Variants in PDZRN4 observed in about 807,000 individuals in gnomAD.
The protein encoded by PDZRN4 is PDZ domain-containing RING finger protein 4.
Under a neutral mutation model 99.0 loss-of-function variants are expected in PDZRN4, and 70 were observed. The ratio of observed to expected loss-of-function variants is 0.71; its 90% CI spans 0.58 to 0.86. The LOEUF (loss-of-function observed/expected upper bound fraction) is 0.86, where lower values mean the gene tolerates loss of function less well. Among genes scored for constraint, PDZRN4 ranks in the 40% least tolerant of loss-of-function variants. PDZRN4 has a pLI of 0.00. For missense variants in PDZRN4, 1,474 were observed against 1,331.2 expected (o/e 1.11, Z -1.67); for synonymous variants, 551 against 501.6 (o/e 1.10, Z -1.32).
chr12:41,215,634 A>G (rs763837540), intron 3 of PDZRN4, among the ~76,000 whole-genome samples: 15 of 152,064 alleles, frequency 9.9e-5, no homozygotes, highest in African/African-American at 2.4e-4. Context: ...TGATGATTAC[A>G]TAGACATTGT....
At chr12:41,398,612 TTGTG>T (rs1310593228) in intron 3 of PDZRN4, among the ~76,000 whole-genome samples, 8 of 152,324 alleles carry the variant, frequency 5.3e-5, no homozygotes, top group African/African-American at 1.9e-4. Flanking sequence ...AAGCTGTAAC[TTGTG>T]TGTAACTTCC....
At chr12:41,426,252 T>C (rs1201331606) in intron 3 of PDZRN4, among the ~76,000 whole-genome samples, 2 of 152,134 alleles carry the variant, frequency 1.3e-5, no homozygotes, top group Non-Finnish European at 1.5e-5. Context: ...GTCCCACCAG[T>C]AGATAGGTTC....
chr12:41,286,230 A>C (rs1037654485), intron 3 of PDZRN4, among the ~76,000 whole-genome samples: 1 of 152,056 alleles, frequency 6.6e-6, no homozygotes, highest in Non-Finnish European at 1.5e-5. Flanking sequence ...TTGAAAAAAA[A>C]CAGCAACATA....
At chr12:41,557,106 C>A (rs1462405382) in intron 7 of PDZRN4, among the ~76,000 whole-genome samples, 2 of 145,644 alleles carry the variant, frequency 1.4e-5, no homozygotes, top group African/African-American at 5.1e-5. Context: ...AGCCGAGATG[C>A]CACCACTGTA....
chr12:41,419,724 C>T (rs1045142619), intron 3 of PDZRN4, among the ~76,000 whole-genome samples: 2 of 152,000 alleles, frequency 1.3e-5, no homozygotes, highest in Non-Finnish European at 2.9e-5. Flanking sequence ...TTATGGCTCT[C>T]GGTTAATGAC....
intron 3 of PDZRN4, among the ~76,000 whole-genome samples, chr12:41,302,010 C>A (rs1182213059): frequency 6.6e-6 from 1 of 151,982 alleles, no homozygotes; most frequent in Non-Finnish European, 1.5e-5. Context: ...GTTAAATAAG[C>A]TTTTCTCCTC....
rs1004346208 is a variant in PDZRN4, at chr12:41,379,717, A to AT, written c.844-126729dup. ...ACCATTTTGGCCCAAAAAGTACTTGATTTTTTTTTTAGTCTTCTTGCAATT... is the reference window on the plus strand; with the variant it reads ...ACCATTTTGGCCCAAAAAGTACTTGATTTTTTTTTTTAGTCTTCTTGCAATT... On this transcript the variant is annotated intron_variant, in intron 3 of 9. Coordinates refer to ENST00000402685, the MANE Select transcript of PDZRN4 (RefSeq NM_001164595.2). Among the ~76,000 whole-genome samples the AT allele has an allele frequency of 6.7e-4, 100 of 148,376 alleles. 1 individual carries two copies. The highest frequency in any genetic ancestry group is 3.5e-3 in the Middle Eastern group (1 of 282).
chr12:41,376,680 G>T (rs888092008), intron 3 of PDZRN4, among the ~76,000 whole-genome samples: 4 of 151,922 alleles, frequency 2.6e-5, no homozygotes, highest in Non-Finnish European at 4.4e-5. Flanking sequence ...TCCATTGGTT[G>T]CTTTTTTATT....
At chr12:41,541,695 C>A (rs1179297325) in intron 5 of PDZRN4, among the ~76,000 whole-genome samples, 2 of 152,088 alleles carry the variant, frequency 1.3e-5, no homozygotes. Flanking sequence ...CCTCATGATC[C>A]GCCTGCCTCG....
chr12:41,395,802 C>G lies in PDZRN4; in HGVS notation c.844-110654C>G, dbSNP rs142418563. On this transcript the variant is annotated intron_variant, in intron 3 of 9. Coordinates refer to ENST00000402685, the MANE Select transcript of PDZRN4 (RefSeq NM_001164595.2). ...GGACACACATTGATTTCATTAGAAG[C>G]CTTTTGTTTAGCTGAATAGTATATT... Among the ~76,000 whole-genome samples the G allele has an allele frequency of 3.9e-5, 6 of 152,090 alleles. No individual in the cohort carries two copies. The East Asian group carries it at 1.2e-3, about 29-fold the overall frequency.
chr12:41,188,406 C>T lies in PDZRN4; in HGVS notation c.-50C>T, dbSNP rs757523204. The T allele has an allele frequency of 1.4e-6, 2 of 1,455,338 alleles. No individual in the cohort carries two copies. The highest frequency in any genetic ancestry group is 2.6e-5 in the East Asian group (1 of 38,090). The allele number at this position is 1,455,338 out of a possible 1,614,324, so 90.2% of individuals were successfully genotyped here. On this transcript the variant is annotated 5_prime_UTR_variant, in exon 1 of 10. Coordinates refer to ENST00000402685, the MANE Select transcript of PDZRN4 (RefSeq NM_001164595.2). ...GTGGCCCGGGGAAGGCAGGGGGGCT[C>T]GGAGAAGACGGACTCTGCTTTCGCT...
At chr12:41,306,140 T>C (rs1455830158) in intron 3 of PDZRN4, among the ~76,000 whole-genome samples, 1 of 152,158 alleles carries the variant, frequency 6.6e-6, no homozygotes. Flanking sequence ...GGTTTAATAC[T>C]CAACCCTCCA....
At chr12:41,562,940 A>G (rs74888581) in intron 7 of PDZRN4, among the ~76,000 whole-genome samples, 4,649 of 152,260 alleles carry the variant, frequency 0.031, 150 homozygotes, top group African/African-American at 0.077. Context: ...AAATGGATAG[A>G]TATTAGAAGG....
At chr12:41,487,874 G>A (rs1158799109) in intron 3 of PDZRN4, among the ~76,000 whole-genome samples, 2 of 152,188 alleles carry the variant, frequency 1.3e-5, no homozygotes, top group African/African-American at 4.8e-5. Flanking sequence ...ACTTAAGAAA[G>A]TAGTTCTTCA....
chr12:41,304,721 T>C (rs1212122526), intron 3 of PDZRN4, among the ~76,000 whole-genome samples: 1 of 152,218 alleles, frequency 6.6e-6, no homozygotes. Flanking sequence ...CAATGACTAA[T>C]GGATAAGAGA....
chr12:41,342,586 TGACC>T (rs1951826223), intron 3 of PDZRN4, among the ~76,000 whole-genome samples: 1 of 5,144 alleles, frequency 1.9e-4, no homozygotes, highest in Non-Finnish European at 8.8e-4. Flanking sequence ...AATGACCAAC[TGACC>T]AACAGGTATA....
chr12:41,362,585 G>A (rs1280148242), intron 3 of PDZRN4, among the ~76,000 whole-genome samples: 5 of 152,018 alleles, frequency 3.3e-5, no homozygotes, highest in Admixed American at 3.3e-4. Context: ...TGCAAGTTTA[G>A]CATATATCTA....
At chr12:41,326,967 G>C (rs971831604) in intron 3 of PDZRN4, among the ~76,000 whole-genome samples, 1 of 152,112 alleles carries the variant, frequency 6.6e-6, no homozygotes, top group Non-Finnish European at 1.5e-5. Context: ...CCGAATGTCT[G>C]AACTGAATTA....
intron 3 of PDZRN4, among the ~76,000 whole-genome samples, chr12:41,331,825 A>G (rs1033876195): frequency 6.6e-6 from 1 of 152,094 alleles, no homozygotes; most frequent in Non-Finnish European, 1.5e-5. Context: ...TATAAAACCT[A>G]TGATTCAGTT....
Sources: allele counts gnomAD v4.1 joint callset (sites outside exome capture counted in the v4.1 genomes callset), GRCh38; gene constraint gnomAD v4.1.1; transcripts MANE v1.5; gene names NCBI Gene and HGNC (gene_info 2026-07-23, HGNC 2026-07-21).